RTN4: variants seen among roughly 807,000 people sequenced by gnomAD.
The protein encoded by RTN4 is reticulon-4.
A neutral mutation model predicts 90.4 loss-of-function variants in RTN4; 32 were observed. The observed-to-expected ratio is 0.35, with a 90% CI of 0.27 to 0.48. RTN4 has a LOEUF of 0.48. Among genes scored for constraint, RTN4 ranks in the 20% least tolerant of loss-of-function variants. The pLI, the probability that RTN4 is intolerant of heterozygous loss-of-function variation, is 0.99. For synonymous variants in RTN4, 629 were observed against 552.5 expected, an observed-to-expected ratio of 1.14 and a Z score of -1.94; for missense variants, 1,706 against 1,430.2, an observed-to-expected ratio of 1.19 and a Z score of -3.11.
chr2:54,974,624 A>T (rs940275160), intron 6 of RTN4, 71 bp downstream of exon 6: 2 of 1,214,762 alleles, frequency 1.6e-6, no homozygotes, highest in African/African-American at 3.0e-5. Context: ...AATATTCTCC[A>T]CTAAAATGTC....
intron 1 of RTN4, among the ~76,000 whole-genome samples, chr2:55,098,960 G>A (rs1478984517): frequency 6.6e-6 from 1 of 152,148 alleles, no homozygotes; most frequent in Non-Finnish European, 1.5e-5. Flanking sequence ...ACTTCTTCAT[G>A]AATGGGTGTA....
intron 2 of RTN4, among the ~76,000 whole-genome samples, chr2:55,075,441 T>A (rs1668583236): frequency 6.6e-6 from 1 of 152,040 alleles, no homozygotes; most frequent in African/African-American, 2.4e-5. Context: ...AAATCATAGG[T>A]GACACAAACA....
In RTN4 at chr2:54,984,686, T is replaced by C. The variant is rs559649004; in HGVS notation, c.3222-2033A>G. 9.2e-5 allele frequency among the ~76,000 whole-genome samples: 14 copies of C among 152,344 alleles called. 1 individual carries two copies. Among genetic ancestry groups the C allele is most frequent in the Admixed American group, 7.8e-4 (12 of 15,308 alleles). ...TCACTCAGTAACCACAGGTATTAGA[T>C]ACAAACCACATAATATCACCTCTAC... On this transcript the variant is annotated intron_variant, in intron 4 of 8. Transcript: ENST00000337526.
chr2:55,089,445 T>C (rs1444447011), intron 1 of RTN4, among the ~76,000 whole-genome samples: 3 of 152,176 alleles, frequency 2.0e-5, no homozygotes, highest in Non-Finnish European at 2.9e-5. Context: ...GAATGTGACT[T>C]GTCTACTTCT....
At chr2:54,993,747 C>A (rs1679207068) in intron 3 of RTN4, among the ~76,000 whole-genome samples, 1 of 152,052 alleles carries the variant, frequency 6.6e-6, no homozygotes, top group South Asian at 2.1e-4. Context: ...CCCTTTAGAG[C>A]CCTGGAGGAA....
At chr2:54,995,273 A>C (rs1367521326) in intron 3 of RTN4, among the ~76,000 whole-genome samples, 1 of 152,130 alleles carries the variant, frequency 6.6e-6, no homozygotes, top group East Asian at 1.9e-4. Flanking sequence ...AAAGACTCAA[A>C]ACACTTCTAC....
upstream of RTN4, among the ~76,000 whole-genome samples, chr2:55,053,389 T>C (rs1215625902): frequency 1.3e-5 from 2 of 152,138 alleles, no homozygotes; most frequent in African/African-American, 4.8e-5. Context: ...TAATTTATAT[T>C]TGAAAATAGC....
Position 55,028,187 on chromosome 2 carries a change from T to A in RTN4, c.590A>T (p.Glu197Val). Reference protein sequence around the residue: ...ETLFALPAASEPVIRSSAENM... With the variant: ...ETLFALPAASVPVIRSSAENM... ...GCCTGCAGAGGAGCGTATCACAGGC[T>A]CAGATGCAGCAGGAAGAGCAAAAAG... Residue 197 changes from glutamate to valine, a missense_variant, in exon 2 of 9, where the codon GAG becomes GTG. Coordinates refer to ENST00000337526, the MANE Select transcript of RTN4 (RefSeq NM_020532.5). 6.2e-7 allele frequency: 1 copy of A among 1,613,010 alleles called. No homozygotes were observed. The highest frequency in any genetic ancestry group is 8.5e-7 in the Non-Finnish European group (1 of 1,179,454).
rs369822291 is a variant in RTN4 at position 55,081,169 on chromosome 2, G to A, written c.-213-530C>T. 1.5e-3 allele frequency among the ~76,000 whole-genome samples: 232 copies of A among 152,172 alleles called. 1 individual carries two copies. The highest frequency in any genetic ancestry group is 5.1e-3 in the African/African-American group (210 of 41,510). On this transcript the variant is annotated intron_variant, in intron 1 of 3. Coordinates refer to the RTN4 transcript ENST00000427710. Reference sequence around the variant, plus strand: ...AGCTCACTGCAGCCTCAACCTCCTGGGCCAAGTGATCCTCCTGCCTCAGCC... The same window carrying A: ...AGCTCACTGCAGCCTCAACCTCCTGAGCCAAGTGATCCTCCTGCCTCAGCC...
rs561171294 is a variant in RTN4 at position 55,024,654 on chromosome 2, A to G, written c.3013+432T>C. Among the ~76,000 whole-genome samples, 36 of 152,284 alleles carry G rather than the reference A, an allele frequency of 2.4e-4. No individual in the cohort carries two copies. In the South Asian group the frequency reaches 4.3e-3, roughly 18 times the overall value. ...CCTACCACTGGAAAAGTACTATATT[A>G]TATAGAAATATTTAAAACATACTAT... On this transcript the variant is annotated intron_variant, in intron 3 of 8. Coordinates refer to ENST00000337526, the MANE Select transcript of RTN4 (RefSeq NM_020532.5).
chr2:55,019,169 C>T (rs972335537), intron 3 of RTN4, among the ~76,000 whole-genome samples: 1 of 152,124 alleles, frequency 6.6e-6, no homozygotes, highest in Non-Finnish European at 1.5e-5. Flanking sequence ...CGGATCCATA[C>T]TGATAATTAA....
intron 1 of RTN4, among the ~76,000 whole-genome samples, chr2:55,046,364 T>C (rs561533475): frequency 6.6e-6 from 1 of 152,326 alleles, no homozygotes; most frequent in South Asian, 2.1e-4. Context: ...AGGCCACCTC[T>C]TCACTCTCCC....
At chr2:55,118,647 G>A in the RTN4 span, among the ~76,000 whole-genome samples, 1 of 152,112 alleles carries the variant, frequency 6.6e-6, no homozygotes, top group South Asian at 2.1e-4. Context: ...AATTATCTGT[G>A]TCAAGTTGAA....
At chr2:55,114,108 T>C (rs563771620), upstream of RTN4, among the ~76,000 whole-genome samples, 17 of 152,318 alleles carry the variant, frequency 1.1e-4, no homozygotes, top group Non-Finnish European at 1.9e-4. Context: ...TCGGAAAATA[T>C]AGCTAGATTT....
chr2:55,110,644 T>A (rs1162883300), intron 1 of RTN4, among the ~76,000 whole-genome samples: 1 of 152,224 alleles, frequency 6.6e-6, no homozygotes, highest in African/African-American at 2.4e-5. Flanking sequence ...ATTTGGATCC[T>A]TTAAAAAAAA....
chr2:55,031,847 C>G (rs1181906506), intron 1 of RTN4, among the ~76,000 whole-genome samples: 1 of 152,170 alleles, frequency 6.6e-6, no homozygotes, highest in Non-Finnish European at 1.5e-5. Context: ...TCTAACTGGC[C>G]CTGTAAGTCT....
At chr2:55,036,340 G>C (rs2104916684) in intron 1 of RTN4, among the ~76,000 whole-genome samples, 1 of 152,084 alleles carries the variant, frequency 6.6e-6, no homozygotes, top group Non-Finnish European at 1.5e-5. Context: ...AGTGGCTCAT[G>C]CCTGTAATCC....
chr2:54,984,647 G>A (rs935315241), intron 4 of RTN4, among the ~76,000 whole-genome samples: 11 of 152,114 alleles, frequency 7.2e-5, no homozygotes, highest in Non-Finnish European at 1.0e-4. Context: ...TTAATACAAT[G>A]CCAGCACTGT....
intron 1 of RTN4, among the ~76,000 whole-genome samples, chr2:55,035,103 A>G (rs936085157): frequency 2.6e-5 from 4 of 152,186 alleles, no homozygotes; most frequent in Non-Finnish European, 5.9e-5. Flanking sequence ...CAGATGGGAC[A>G]AAGAAAAAAC....
Sources: gnomAD v4.1 joint callset for allele counts (sites outside exome capture counted in the v4.1 genomes callset) on GRCh38, gnomAD v4.1.1 for gene constraint, MANE v1.5 for transcripts, NCBI Gene and HGNC (gene_info 2026-07-23, HGNC 2026-07-21) for gene names.